IMPA1: variants seen among roughly 807,000 people sequenced by gnomAD.
The protein encoded by IMPA1 is D-galactose 1-phosphate phosphatase.
In IMPA1, 21 loss-of-function variants were observed where a neutral mutation model predicts 34.9. That is an observed-to-expected ratio of 0.60 (90% CI 0.43 to 0.87). The LOEUF (loss-of-function observed/expected upper bound fraction) is 0.87. Ranked by LOEUF, IMPA1 falls within the 40% of genes least tolerant of loss-of-function variation. The pLI is 0.00. For synonymous variants in IMPA1, 95 were observed against 104.4 expected (o/e 0.91, Z 0.55); for missense variants, 299 against 336.4 (o/e 0.89, Z 0.87).
intron 5 of IMPA1, chr8:81,674,495 A>G: frequency 4.0e-6 from 1 of 251,592 alleles, no homozygotes; most frequent in Non-Finnish European, 7.9e-6. Flanking sequence ...CAAAGAGAGT[A>G]TCAACAAACT....
intron 1 of IMPA1, among the ~76,000 whole-genome samples, chr8:81,683,555 G>A (rs920108845): frequency 4.6e-5 from 7 of 152,134 alleles, no homozygotes; most frequent in Admixed American, 6.5e-5. Flanking sequence ...ATGGATAACC[G>A]TCACAGTCTA....
intron 6 of IMPA1, among the ~76,000 whole-genome samples, chr8:81,673,373 G>A (rs749213645): frequency 2.0e-5 from 3 of 152,000 alleles, no homozygotes; most frequent in East Asian, 1.9e-4. Flanking sequence ...CCTGAACACC[G>A]CCCCCTTCCC....
At chr8:81,671,322 T>C (rs1234866762) in intron 6 of IMPA1, among the ~76,000 whole-genome samples, 2 of 152,114 alleles carry the variant, frequency 1.3e-5, no homozygotes, top group East Asian at 1.9e-4. Flanking sequence ...GTCTTAAATA[T>C]TTAAAAAGGA....
At chr8:81,682,338 C>G (rs987339292) in intron 1 of IMPA1, among the ~76,000 whole-genome samples, 15 of 152,122 alleles carry the variant, frequency 9.9e-5, no homozygotes, top group Admixed American at 9.8e-4. Flanking sequence ...TTTAAGCTGT[C>G]AGACTAAAAA....
rs554169062 is a variant in IMPA1 at position 81,675,917 on chromosome 8, C to T, written c.348+317G>A. Among the ~76,000 whole-genome samples, 51 of 152,298 alleles carry T rather than the reference C, an allele frequency of 3.3e-4. No individual in the cohort carries two copies. In the Middle Eastern group the frequency reaches 0.01, roughly 30 times the overall value. On this transcript the variant is annotated intron_variant, in intron 5 of 8. Transcript: ENST00000256108. ...CCCAGCTCAAATCTCACCTCTTCCA[C>T]GAAGCATTTAAGATCACATATAAAC...
intron 7 of IMPA1, among the ~76,000 whole-genome samples, chr8:81,664,502 C>T (rs962674878): frequency 5.3e-5 from 8 of 152,120 alleles, no homozygotes; most frequent in Admixed American, 2.0e-4. Flanking sequence ...CAAAACCACC[C>T]TCAGAAAAGA....
At chr8:81,675,077 T>G (rs1411541235) in intron 5 of IMPA1, among the ~76,000 whole-genome samples, 1 of 152,148 alleles carries the variant, frequency 6.6e-6, no homozygotes, top group Non-Finnish European at 1.5e-5. Context: ...ACAAACTAAA[T>G]TTTCTTGCAT....
intron 7 of IMPA1, among the ~76,000 whole-genome samples, chr8:81,665,951 T>C (rs1179171222): frequency 6.6e-6 from 1 of 152,168 alleles, no homozygotes; most frequent in Non-Finnish European, 1.5e-5. Context: ...CCAAGGAATC[T>C]ACTAGAGGAC....
At chr8:81,669,449 C>T (rs1806927653) in intron 7 of IMPA1, among the ~76,000 whole-genome samples, 1 of 152,202 alleles carries the variant, frequency 6.6e-6, no homozygotes, top group South Asian at 2.1e-4. Flanking sequence ...TGAGGTGGTA[C>T]ATGCAGTCAA....
chr8:81,673,635 A>G (rs1807051898), intron 6 of IMPA1, among the ~76,000 whole-genome samples: 1 of 152,174 alleles, frequency 6.6e-6, no homozygotes, highest in African/African-American at 2.4e-5. Context: ...CACAAAATAC[A>G]ATGCTGAGCC....
intron 1 of IMPA1, among the ~76,000 whole-genome samples, chr8:81,682,065 A>G (rs1470898872): frequency 0.02 from 2,978 of 152,292 alleles, 87 homozygotes; most frequent in African/African-American, 0.066. Context: ...AAAATTACAG[A>G]CAAATGACAC....
At chr8:81,686,149 C>T (rs77190758) in intron 1 of IMPA1, 103 bp downstream of exon 1, 102,404 of 878,556 alleles carry the variant, frequency 0.12, 6,701 homozygotes, top group Middle Eastern at 0.13. Flanking sequence ...GCGCCGACCG[C>T]GCACGGCGCT....
In IMPA1 at chr8:81,673,988, A is replaced by G. The variant is rs370768848; in HGVS notation, c.349-39T>C. 1.9e-4 allele frequency: 230 copies of G among 1,216,400 alleles called. No homozygotes were observed. The African/African-American group carries it at 3.1e-3, about 16-fold the overall frequency. The allele number at this position is 1,216,400 out of a possible 1,614,324, so 75.4% of individuals were successfully genotyped here. ...CAAGTTTCCTTTACCAAACCTAAGT[A>G]TGTTTCATCCACTTTTTTCTAAGAA... On this transcript the variant is annotated intron_variant, in intron 5 of 8. Coordinates refer to ENST00000256108, the MANE Select transcript of IMPA1 (RefSeq NM_005536.4).
intron 7 of IMPA1, among the ~76,000 whole-genome samples, chr8:81,669,336 G>A (rs1193639116): frequency 6.6e-6 from 1 of 152,186 alleles, no homozygotes; most frequent in African/African-American, 2.4e-5. Context: ...TTCAGGCACT[G>A]GACTCCAACC....
At chr8:81,660,366 A>G (rs1806634035) in intron 8 of IMPA1, 150 bp downstream of exon 8, 1 of 579,002 alleles carries the variant, frequency 1.7e-6, no homozygotes, top group Non-Finnish European at 3.1e-6. Flanking sequence ...TCTATCTCCT[A>G]AAGCTTATTT....
At position 81,659,484 on chromosome 8, in the gene IMPA1, T is replaced by C; in HGVS notation, c.719-18A>G. 7.3e-7 allele frequency: 1 copy of C among 1,364,600 alleles called. No homozygotes were observed. The allele number at this position is 1,364,600 out of a possible 1,614,324, so 84.5% of individuals were successfully genotyped here. On this transcript the variant is annotated intron_variant, in intron 8 of 8. Transcript: ENST00000256108. ...TGGTCCACCTAAAAGCAAACAAGTA[T>C]GAAAAATAATTTTATCTGGTACAAA...
intron 4 of IMPA1, among the ~76,000 whole-genome samples, chr8:81,676,703 A>G (rs2300491): frequency 0.11 from 16,897 of 152,158 alleles, 988 homozygotes; most frequent in Middle Eastern, 0.16. Context: ...ATATTTTTTC[A>G]TGGCCACGCA....
At position 81,684,424 on chromosome 8, in the gene IMPA1, A is replaced by T. The variant is rs188171029; in HGVS notation, c.-25+1828T>A. The stretch of plus-strand genomic sequence containing the variant: ...CATATTTAGATACTATATATAGTAT[A>T]CTATACATAAGTATATTTAGATACT... On this transcript the variant is annotated intron_variant, in intron 1 of 8. Transcript: ENST00000256108. Among the ~76,000 whole-genome samples the T allele has an allele frequency of 2.1e-5, 3 of 144,288 alleles. No individual in the cohort carries two copies. In the Admixed American group the frequency reaches 2.1e-4, roughly 10 times the overall value. 94.7% of individuals were successfully genotyped at this position (144,288 alleles called of 152,430 possible). A position where few individuals can be genotyped will look rare whatever the true frequency, so the allele number is the denominator to read the frequency against.
intron 1 of IMPA1, chr8:81,685,655 G>A (rs929487736): frequency 9.4e-5 from 37 of 391,660 alleles, no homozygotes; most frequent in Non-Finnish European, 1.4e-4. Context: ...AAGTATATAA[G>A]TACATTTTAT....
Sources: allele counts gnomAD v4.1 joint callset (sites outside exome capture counted in the v4.1 genomes callset), GRCh38; gene constraint gnomAD v4.1.1; transcripts MANE v1.5; gene names NCBI Gene and HGNC (gene_info 2026-07-23, HGNC 2026-07-21).